CADM2: variants seen among roughly 807,000 people sequenced by gnomAD.
CADM2 encodes the protein immunoglobulin superfamily member 4D.
In CADM2, 12 loss-of-function variants were observed where a neutral mutation model predicts 49.8. That is an observed-to-expected ratio of 0.24 (90% CI 0.15 to 0.39). CADM2 has a LOEUF of 0.39. Among genes scored for constraint, CADM2 ranks in the 10% least tolerant of loss-of-function variants. The pLI is 1.00. For synonymous variants in CADM2, 214 were observed against 175.4 expected (o/e 1.22, Z -1.74); for missense variants, 378 against 492.3 (o/e 0.77, Z 2.20).
At chr3:85,882,805 A>G (rs923408628) in intron 3 of CADM2, among the ~76,000 whole-genome samples, 6 of 152,214 alleles carry the variant, frequency 3.9e-5, no homozygotes, top group Non-Finnish European at 7.3e-5. Flanking sequence ...CTTTCTGCTC[A>G]ATATCAGCTC....
intron 2 of CADM2, among the ~76,000 whole-genome samples, chr3:85,784,082 C>T (rs949712733): frequency 3.3e-5 from 5 of 152,304 alleles, no homozygotes; most frequent in South Asian, 2.1e-4. Context: ...ACACACTGCA[C>T]GCACACACAT....
intron 1 of CADM2, among the ~76,000 whole-genome samples, chr3:85,251,046 G>A (rs150102342): frequency 1.1e-4 from 16 of 151,596 alleles, no homozygotes; most frequent in Admixed American, 3.9e-4. Context: ...TGAAGTTTTG[G>A]CATTTAATTC....
rs572890359 is a variant in CADM2, at chr3:86,056,403, T to C, written c.971-9202T>C. Among the ~76,000 whole-genome samples, 61 of 152,374 alleles carry C rather than the reference T, an allele frequency of 4.0e-4. 1 individual carries two copies. The South Asian group carries it at 0.012, about 31-fold the overall frequency. ...CAAAAATAGAAATACCATGTTCGGATACATTTTCCATTTAATTTTTGTTCT... is the reference window on the plus strand; with the variant it reads ...CAAAAATAGAAATACCATGTTCGGACACATTTTCCATTTAATTTTTGTTCT... On this transcript the variant is annotated intron_variant, in intron 8 of 9. Transcript: ENST00000383699.
At chr3:85,139,884 AG>A (rs2039526078) in intron 1 of CADM2, among the ~76,000 whole-genome samples, 1 of 152,158 alleles carries the variant, frequency 6.6e-6, no homozygotes. Flanking sequence ...AGAAGGCAGA[AG>A]CATCTTGCCT....
intron 1 of CADM2, among the ~76,000 whole-genome samples, chr3:85,359,666 ATT>A (rs869151718): frequency 0.037 from 974 of 26,536 alleles, 97 homozygotes; most frequent in South Asian, 0.057. Flanking sequence ...ATATATATAT[ATT>A]TTTTTTTTTG....
intron 8 of CADM2, among the ~76,000 whole-genome samples, chr3:86,042,168 A>T (rs1224360717): frequency 1.3e-5 from 2 of 152,224 alleles, no homozygotes; most frequent in African/African-American, 4.8e-5. Flanking sequence ...AATTAAAAGA[A>T]CTAGAGAAGC....
intron 1 of CADM2, among the ~76,000 whole-genome samples, chr3:84,963,891 C>A (rs1450517875): frequency 1.3e-5 from 2 of 152,118 alleles, no homozygotes; most frequent in African/African-American, 4.8e-5. Flanking sequence ...ATACAGTTTT[C>A]TCACTCCCTT....
intron 6 of CADM2, among the ~76,000 whole-genome samples, chr3:85,929,962 A>G (rs1720386013): frequency 6.6e-6 from 1 of 152,060 alleles, no homozygotes; most frequent in Non-Finnish European, 1.5e-5. Context: ...GCTATTAAAA[A>G]CAATTATTCG....
chr3:85,990,136 A>G (rs541337409), intron 8 of CADM2, among the ~76,000 whole-genome samples: 2 of 150,590 alleles, frequency 1.3e-5, no homozygotes, highest in Non-Finnish European at 3.0e-5. Flanking sequence ...TCCAAATTAG[A>G]TAGTTTCATT....
chr3:84,970,767 TG>T (rs2031376606), intron 1 of CADM2, among the ~76,000 whole-genome samples: 2 of 152,214 alleles, frequency 1.3e-5, no homozygotes, highest in South Asian at 4.1e-4. Context: ...TCTTGCTTTA[TG>T]TTAAACCATG....
At chr3:85,411,124 C>T (rs2035637276) in intron 1 of CADM2, among the ~76,000 whole-genome samples, 2 of 152,134 alleles carry the variant, frequency 1.3e-5, no homozygotes, top group Non-Finnish European at 2.9e-5. Context: ...TAGAGTTTGA[C>T]GTGGTACGAT....
intron 1 of CADM2, among the ~76,000 whole-genome samples, chr3:85,346,362 A>G (rs755337879): frequency 6.6e-6 from 1 of 152,206 alleles, no homozygotes; most frequent in Admixed American, 6.5e-5. Flanking sequence ...GGATGAGGAG[A>G]CAGTACTTAT....
chr3:85,972,223 C>CA (rs1427163655), intron 8 of CADM2, among the ~76,000 whole-genome samples: 1 of 151,614 alleles, frequency 6.6e-6, no homozygotes, highest in Non-Finnish European at 1.5e-5. Flanking sequence ...CAGGCAAAAG[C>CA]AAATAAAGTA....
chr3:86,044,211 G>A (rs1036052765), intron 8 of CADM2, among the ~76,000 whole-genome samples: 3 of 152,106 alleles, frequency 2.0e-5, no homozygotes, highest in African/African-American at 7.2e-5. Context: ...ATTGACAAAT[G>A]GGATCTAATT....
chr3:85,208,288 C>T lies in CADM2; in HGVS notation c.61+248620C>T, dbSNP rs184251554. The stretch of plus-strand genomic sequence containing the variant: ...TTTGTTATAACACCCTTTTATGTAA[C>T]GTTACTAGAAACGTTTTAATAAAAG... On this transcript the variant is annotated intron_variant, in intron 1 of 9. Transcript: ENST00000383699. 1.6e-3 allele frequency among the ~76,000 whole-genome samples: 240 copies of T among 152,082 alleles called. 2 individuals carry two copies. Among genetic ancestry groups the T allele is most frequent in the Non-Finnish European group, 2.9e-3 (197 of 67,966 alleles).
intron 8 of CADM2, among the ~76,000 whole-genome samples, chr3:86,001,888 A>T (rs1415432914): frequency 6.6e-6 from 1 of 152,124 alleles, no homozygotes; most frequent in African/African-American, 2.4e-5. Context: ...AGATGTATAG[A>T]TGTCTCTTTC....
chr3:85,851,221 T>C (rs2075095996), intron 3 of CADM2, among the ~76,000 whole-genome samples: 1 of 152,174 alleles, frequency 6.6e-6, no homozygotes, highest in Non-Finnish European at 1.5e-5. Context: ...CCTGTTTAAA[T>C]TTAGAGGCTA....
At chr3:85,380,534 A>G (rs2033844675) in intron 1 of CADM2, among the ~76,000 whole-genome samples, 2 of 151,946 alleles carry the variant, frequency 1.3e-5, no homozygotes, top group Admixed American at 1.3e-4. Context: ...CAATTAATAT[A>G]TTTTTAAATA....
chr3:85,736,373 C>T (rs561405260), intron 2 of CADM2, among the ~76,000 whole-genome samples: 34 of 152,198 alleles, frequency 2.2e-4, no homozygotes, highest in South Asian at 4.1e-4. Context: ...GATTCAACTA[C>T]AGGAAAATTC....
Sources: allele counts gnomAD v4.1 joint callset (sites outside exome capture counted in the v4.1 genomes callset), GRCh38; gene constraint gnomAD v4.1.1; transcripts MANE v1.5; gene names NCBI Gene and HGNC (gene_info 2026-07-23, HGNC 2026-07-21).